The following TXLNB variants were observed in gnomAD, a reference collection of about 807,000 sequenced individuals.
TXLNB encodes beta-taxilin.
Under a neutral mutation model 57.4 loss-of-function variants are expected in TXLNB, and 37 were observed. The ratio of observed to expected loss-of-function variants is 0.64; its 90% confidence interval spans 0.50 to 0.85. The LOEUF is 0.85. Ranked by LOEUF, TXLNB falls within the 40% of genes least tolerant of loss-of-function variation. The pLI is 0.00. For synonymous variants in TXLNB, 302 were observed against 309.6 expected (o/e 0.98, Z 0.26); for missense variants, 848 against 825.6 (o/e 1.03, Z -0.33).
the TXLNB span, among the ~76,000 whole-genome samples, chr6:139,169,280 A>G: frequency 6.6e-6 from 1 of 151,830 alleles, no homozygotes; most frequent in Admixed American, 6.6e-5. Context: ...ATAATAAAGG[A>G]TATATAATAA....
the TXLNB span, among the ~76,000 whole-genome samples, chr6:139,222,924 AC>A: frequency 2.0e-5 from 3 of 152,234 alleles, no homozygotes; most frequent in Non-Finnish European, 4.4e-5. Context: ...TGGTCAATGG[AC>A]CAAAAATAAA....
At chr6:139,292,319 C>T (rs1005968172), upstream of TXLNB, among the ~76,000 whole-genome samples, 2 of 152,298 alleles carry the variant, frequency 1.3e-5, no homozygotes, top group South Asian at 2.1e-4. This position sits in a 1 kb window ranked among gnomAD's most constrained non-coding sequence, Gnocchi z 4.0. Context: ...ATATTACCCC[C>T]GTTGCAAATG....
intron 3 of TXLNB, 21 bp downstream of exon 3, chr6:139,276,809 G>T: frequency 6.3e-7 from 1 of 1,583,872 alleles, no homozygotes; most frequent in Non-Finnish European, 8.6e-7. Context: ...TCTGAGAAAA[G>T]AAGCTAATCC....
the TXLNB span, among the ~76,000 whole-genome samples, chr6:139,205,789 C>T: frequency 6.6e-6 from 1 of 152,152 alleles, no homozygotes; most frequent in South Asian, 2.1e-4. Context: ...ACTTCCCTGG[C>T]TTTGCTAGGA....
At chr6:139,176,900 A>G in the TXLNB span, 2 of 845,648 alleles carry the variant, frequency 2.4e-6, no homozygotes, top group Non-Finnish European at 4.2e-6. The surrounding 1 kb of genome is among the most constrained non-coding windows in gnomAD (Gnocchi z 4.5). Context: ...AGTGTTGGGA[A>G]GTGGAGGGGT....
chr6:139,190,613 G>T, the TXLNB span, among the ~76,000 whole-genome samples: 2 of 151,894 alleles, frequency 1.3e-5, no homozygotes, highest in Non-Finnish European at 2.9e-5. Flanking sequence ...CTGGCCAAGG[G>T]CCTGTTTCTT....
chr6:139,217,784 G>A, the TXLNB span, among the ~76,000 whole-genome samples: 6 of 148,620 alleles, frequency 4.0e-5, no homozygotes, highest in South Asian at 6.3e-4. Flanking sequence ...CAGGAGAATC[G>A]CTTGCACCTG....
chr6:139,169,997 A>G, the TXLNB span: 1 of 152,170 alleles, frequency 6.6e-6, no homozygotes, highest in Non-Finnish European at 1.5e-5. Flanking sequence ...TTAACCATTT[A>G]CTATCCCTCA....
At chr6:139,174,273 C>A in the TXLNB span, 1 of 1,247,438 alleles carries the variant, frequency 8.0e-7, no homozygotes, top group Non-Finnish European at 1.1e-6. Context: ...TTATATTTAT[C>A]CAAATGATAA....
intron 4 of TXLNB, among the ~76,000 whole-genome samples, chr6:139,264,657 T>C (rs1417344979): frequency 2.0e-5 from 3 of 152,178 alleles, no homozygotes; most frequent in Non-Finnish European, 4.4e-5. Context: ...ACACCCGAGT[T>C]CAAGTGATTC....
intron 4 of TXLNB, among the ~76,000 whole-genome samples, chr6:139,267,626 A>C (rs142469767): frequency 6.6e-6 from 1 of 152,318 alleles, no homozygotes; most frequent in African/African-American, 2.4e-5. Flanking sequence ...CATATATCAA[A>C]CCACATCAGT....
chr6:139,300,538 C>G, the TXLNB span, among the ~76,000 whole-genome samples: 3 of 152,146 alleles, frequency 2.0e-5, no homozygotes, highest in Non-Finnish European at 1.5e-5. Flanking sequence ...CTGAACCTGT[C>G]TGCCTTTCGA....
chr6:139,318,309 C>A, the TXLNB span, among the ~76,000 whole-genome samples: 1 of 145,934 alleles, frequency 6.9e-6, no homozygotes, highest in Admixed American at 6.8e-5. Context: ...GATTATGGAA[C>A]TGCTAAATAA....
the TXLNB span, among the ~76,000 whole-genome samples, chr6:139,297,124 T>A: frequency 7.9e-4 from 120 of 152,148 alleles, no homozygotes; most frequent in Non-Finnish European, 1.4e-3. Flanking sequence ...TTTACCACTA[T>A]GTATTGTGTT....
chr6:139,187,829 T>C, the TXLNB span, among the ~76,000 whole-genome samples: 1 of 152,210 alleles, frequency 6.6e-6, no homozygotes, highest in East Asian at 1.9e-4. Context: ...CTCAAGCTCG[T>C]TTAAATCCTT....
At chr6:139,274,013 CTTG>C (rs1294756421) in intron 3 of TXLNB, among the ~76,000 whole-genome samples, 1 of 152,116 alleles carries the variant, frequency 6.6e-6, no homozygotes, top group Non-Finnish European at 1.5e-5. Context: ...TGTAATTTCT[CTTG>C]TTTTCTTTCT....
At chr6:139,288,391 G>T in intron 2 of TXLNB, 85 bp downstream of exon 2, 1 of 1,276,338 alleles carries the variant, frequency 7.8e-7, no homozygotes, top group Non-Finnish European at 1.1e-6. Context: ...AATATTGGAT[G>T]TGGCTTTTAG....
intron 3 of TXLNB, among the ~76,000 whole-genome samples, 176 bp downstream of exon 3, chr6:139,276,654 T>G (rs148848728): frequency 1.3e-5 from 2 of 152,244 alleles, no homozygotes; most frequent in Non-Finnish European, 2.9e-5. Context: ...CTAGCTTTAC[T>G]AGAGAGAATG....
the TXLNB span, chr6:139,167,476 C>G: frequency 1.5e-6 from 1 of 678,272 alleles, no homozygotes; most frequent in East Asian, 2.8e-5. Context: ...CAGCTTCGCC[C>G]AGTGACGCGG....
Sources: allele counts gnomAD v4.1 joint callset (sites outside exome capture counted in the v4.1 genomes callset), GRCh38; gene constraint gnomAD v4.1.1; non-coding constraint Gnocchi (gnomAD v3.1); transcripts MANE v1.5; gene names NCBI Gene and HGNC (gene_info 2026-07-23, HGNC 2026-07-21).